The following AHCYL2 variants were observed in gnomAD, a reference collection of about 807,000 sequenced individuals.
AHCYL2 encodes the protein S-adenosylhomocysteine hydrolase-like protein 2.
AHCYL2 carries 28 observed loss-of-function variants against 81.4 expected under a neutral mutation model. The observed-to-expected ratio is 0.34, with a 90% CI of 0.25 to 0.47. The LOEUF is 0.47. Ranked by LOEUF, AHCYL2 falls within the 20% of genes least tolerant of loss-of-function variation. The probability of loss-of-function intolerance (pLI) is 1.00; values close to 1 mark genes in which losing one functional copy is unlikely to be tolerated. For synonymous variants in AHCYL2, 272 were observed against 290.2 expected (o/e 0.94, Z 0.64); for missense variants, 551 against 785.1 (o/e 0.70, Z 3.56).
chr7:129,392,375 G>T (rs1795511499), intron 4 of AHCYL2, among the ~76,000 whole-genome samples: 1 of 152,192 alleles, frequency 6.6e-6, no homozygotes, highest in South Asian at 2.1e-4. Context: ...TCAGTATCTG[G>T]TGAGGGCCTG....
At chr7:129,342,752 T>C (rs1793229593) in intron 1 of AHCYL2, among the ~76,000 whole-genome samples, 1 of 152,208 alleles carries the variant, frequency 6.6e-6, no homozygotes, top group Admixed American at 6.5e-5. Flanking sequence ...ATAAGGGATA[T>C]GTAAATCTTT....
In AHCYL2 at chr7:129,428,856, T is replaced by G. The variant is rs569325918; in HGVS notation, c.*1811T>G. On this transcript the variant is annotated 3_prime_UTR_variant, in exon 17 of 17. Transcript: ENST00000325006. ...CTCAGCAAGTACTGGTTATATTCTTTTTTTGTAAGGAAGATCATAAATGCT... is the reference window on the plus strand; with the variant it reads ...CTCAGCAAGTACTGGTTATATTCTTGTTTTGTAAGGAAGATCATAAATGCT... The G allele has an allele frequency of 6.6e-6, 1 of 152,318 alleles. No homozygotes were observed. The highest frequency in any genetic ancestry group is 1.5e-5 in the Non-Finnish European group (1 of 68,034). The allele number at this position is 152,318 out of a possible 1,614,324, so 9.4% of individuals were successfully genotyped here.
chr7:129,312,316 A>G (rs1243867042), intron 1 of AHCYL2, among the ~76,000 whole-genome samples: 5 of 152,166 alleles, frequency 3.3e-5, no homozygotes, highest in African/African-American at 9.6e-5. Context: ...CAACTACTGG[A>G]TTCAAGTGAT....
chr7:129,389,810 C>A, intron 4 of AHCYL2, 76 bp downstream of exon 4: 1 of 1,225,756 alleles, frequency 8.2e-7, no homozygotes, highest in Non-Finnish European at 1.1e-6. Context: ...TACAACATGC[C>A]AAGCACCGAG....
intron 1 of AHCYL2, among the ~76,000 whole-genome samples, chr7:129,334,199 A>G (rs1220985695): frequency 1.3e-5 from 2 of 152,220 alleles, no homozygotes; most frequent in Non-Finnish European, 2.9e-5. Context: ...AAGTTAGTAT[A>G]TAGAAAACAA....
intron 1 of AHCYL2, among the ~76,000 whole-genome samples, chr7:129,321,438 A>G (rs1798008775): frequency 6.6e-6 from 1 of 152,054 alleles, no homozygotes; most frequent in African/African-American, 2.4e-5. Flanking sequence ...TTTCTTTTTT[A>G]GTTTGTTGAT....
intron 1 of AHCYL2, among the ~76,000 whole-genome samples, chr7:129,371,127 T>C (rs112789208): frequency 1.3e-5 from 2 of 152,188 alleles, no homozygotes; most frequent in Non-Finnish European, 2.9e-5. Flanking sequence ...CCAGCTCCCA[T>C]GTTGGGCCAA....
At chr7:129,405,921 A>T in intron 9 of AHCYL2, 22 bp downstream of exon 9, 1 of 1,606,554 alleles carries the variant, frequency 6.2e-7, no homozygotes, top group South Asian at 1.1e-5. Context: ...CCTTTTGTTT[A>T]TTAGGTGTTT....
chr7:129,378,137 C>A (rs1309822123), intron 1 of AHCYL2, among the ~76,000 whole-genome samples: 1 of 152,014 alleles, frequency 6.6e-6, no homozygotes, highest in South Asian at 2.1e-4. Flanking sequence ...CATGGTGAAA[C>A]CCCGTCTCTA....
Position 129,406,411 on chromosome 7 carries a change from A to G in AHCYL2, c.1240A>G (p.Met414Val). The G allele has an allele frequency of 1.9e-6, 3 of 1,613,996 alleles. No individual in the cohort carries two copies. The highest frequency in any genetic ancestry group is 2.2e-5 in the East Asian group (1 of 44,868). Reference sequence around the variant, plus strand: ...AGGGTGCTGTGCTGCCCTGAAAGCCATGGGCTCCATTGTGTATGTAACTGA... The same window carrying G: ...AGGGTGCTGTGCTGCCCTGAAAGCCGTGGGCTCCATTGTGTATGTAACTGA... ...GKGCCAALKA[M>V]GSIVYVTEID... Residue 414 changes from methionine to valine, a missense_variant, in exon 10 of 17, where the codon ATG becomes GTG. By Grantham distance (21) the Met-to-Val change is conservative (BLOSUM62 1). Around this residue, in one of 2 missense-constraint regions of AHCYL2, gnomAD observed 316 missense variants for 543.1 expected, o/e 0.58. Transcript: ENST00000325006. The surrounding 1 kb of genome is among the most constrained non-coding windows in gnomAD (Gnocchi z 4.3).
intron 12 of AHCYL2, among the ~76,000 whole-genome samples, chr7:129,416,548 A>G (rs1288437276): frequency 1.3e-5 from 2 of 152,216 alleles, no homozygotes; most frequent in African/African-American, 4.8e-5. Flanking sequence ...CTGTAATCCC[A>G]GCACTTTGAG....
intron 1 of AHCYL2, among the ~76,000 whole-genome samples, chr7:129,243,750 T>A (rs1198741632): frequency 6.6e-6 from 1 of 151,310 alleles, no homozygotes; most frequent in Non-Finnish European, 1.5e-5. Context: ...CCCAGCTAAT[T>A]TTTGTATTTT....
intron 1 of AHCYL2, among the ~76,000 whole-genome samples, chr7:129,317,580 A>C (rs1413658607): frequency 2.0e-5 from 3 of 152,216 alleles, no homozygotes; most frequent in African/African-American, 7.2e-5. Flanking sequence ...GCTTGTTAGC[A>C]GAATCCCGTA....
rs572184256 is a variant in AHCYL2 at position 129,373,426 on chromosome 7, A to G, written c.364-6212A>G. On this transcript the variant is annotated intron_variant, in intron 1 of 16. Transcript: ENST00000325006. ...AAACCCTGTCTCTACTAAAAAAAACAAAACAAAACAAAAAAGCAAAAAAAC... is the reference window on the plus strand; with the variant it reads ...AAACCCTGTCTCTACTAAAAAAAACGAAACAAAACAAAAAAGCAAAAAAAC... Among the ~76,000 whole-genome samples, 3 of 151,778 alleles carry G rather than the reference A, an allele frequency of 2.0e-5. No homozygotes were observed. In the South Asian group the frequency reaches 6.3e-4, roughly 32 times the overall value.
At chr7:129,230,415 A>G (rs1471790545) in intron 1 of AHCYL2, among the ~76,000 whole-genome samples, 2 of 151,872 alleles carry the variant, frequency 1.3e-5, no homozygotes, top group South Asian at 4.2e-4. Flanking sequence ...GAAGATAGCT[A>G]GTGTTCTCCT....
chr7:129,365,215 T>G (rs1794063870), intron 1 of AHCYL2, among the ~76,000 whole-genome samples: 1 of 152,158 alleles, frequency 6.6e-6, no homozygotes, highest in Admixed American at 6.5e-5. Context: ...ATTCCTTTTT[T>G]AAGGTCAGGT....
chr7:129,339,860 G>C (rs1294503763), intron 1 of AHCYL2, among the ~76,000 whole-genome samples: 3 of 149,534 alleles, frequency 2.0e-5, no homozygotes, highest in Non-Finnish European at 4.4e-5. Flanking sequence ...AATTTTGAAG[G>C]AGTACACTGT....
At chr7:129,324,307 T>A (rs1296394352) in intron 1 of AHCYL2, among the ~76,000 whole-genome samples, 1 of 152,240 alleles carries the variant, frequency 6.6e-6, no homozygotes, top group Non-Finnish European at 1.5e-5. Context: ...CTTGCTTTTA[T>A]GTAGTCTGAC....
At chr7:129,253,738 A>G (rs142730890) in intron 1 of AHCYL2, among the ~76,000 whole-genome samples, 292 of 152,246 alleles carry the variant, frequency 1.9e-3, no homozygotes, top group African/African-American at 6.5e-3. Context: ...CAGCCTTCCA[A>G]AGTGCTGGGA....
Sources: gnomAD v4.1 joint callset for allele counts (sites outside exome capture counted in the v4.1 genomes callset) on GRCh38, gnomAD v4.1.1 for gene constraint, gnomAD v4.1.1 regional missense constraint, Gnocchi (gnomAD v3.1) non-coding constraint, MANE v1.5 for transcripts, NCBI Gene and HGNC (gene_info 2026-07-23, HGNC 2026-07-21) for gene names.